The following PCDH10 variants were observed in gnomAD, a reference collection of about 807,000 sequenced individuals.
PCDH10 encodes the protein protocadherin-10.
PCDH10 carries 15 observed loss-of-function variants against 74.4 expected under a neutral mutation model. The observed-to-expected ratio is 0.20, with a 90% CI of 0.13 to 0.31. The LOEUF (loss-of-function observed/expected upper bound fraction) is 0.31. Among genes scored for constraint, PCDH10 ranks in the 10% least tolerant of loss-of-function variants. The pLI, the probability that PCDH10 is intolerant of heterozygous loss-of-function variation, is 1.00. For missense variants in PCDH10, 1,260 were observed against 1,390.2 expected (o/e 0.91, Z 1.49); for synonymous variants, 619 against 589.8 (o/e 1.05, Z -0.72).
Position 133,194,607 on chromosome 4 carries a change from A to G in PCDH10, c.*4447A>G, listed in dbSNP as rs1216605926. On this transcript the variant is annotated 3_prime_UTR_variant, in exon 5 of 5. Coordinates refer to ENST00000264360, the MANE Select transcript of PCDH10 (RefSeq NM_032961.3). Reference sequence around the variant, plus strand: ...TGAAATAAATAAAACTAGGATACATATTATGCCATTTTTCCATGCATGGAT... The same window carrying G: ...TGAAATAAATAAAACTAGGATACATGTTATGCCATTTTTCCATGCATGGAT... 5.9e-5 allele frequency: 9 copies of G among 151,964 alleles called. No homozygotes were observed. The highest frequency in any genetic ancestry group is 5.9e-4 in the Admixed American group (9 of 15,230). The allele number at this position is 151,964 out of a possible 1,614,324, so 9.4% of individuals were successfully genotyped here. A position where few individuals can be genotyped will look rare whatever the true frequency, so the allele number is the denominator to read the frequency against.
downstream of PCDH10, among the ~76,000 whole-genome samples, chr4:133,196,735 C>G (rs185649128): frequency 6.6e-6 from 1 of 152,172 alleles, no homozygotes; most frequent in Non-Finnish European, 1.5e-5. Flanking sequence ...TTGGCCTATG[C>G]CCAGGAGTGA....
Position 133,163,202 on chromosome 4 carries a change from C to T in PCDH10, c.3023C>T (p.Ala1008Val). The T allele has an allele frequency of 6.2e-7, 1 of 1,614,092 alleles. No individual in the cohort carries two copies. The highest frequency in any genetic ancestry group is 8.5e-7 in the Non-Finnish European group (1 of 1,179,996). Reference sequence around the variant, plus strand: ...TTTTCCACCTTTGGCAAAGAGAAGGCCCTTCACAGCACTCTGGAGAGGAAG... The same window carrying T: ...TTTTCCACCTTTGGCAAAGAGAAGGTCCTTCACAGCACTCTGGAGAGGAAG... ...RSFSTFGKEK[A>V]LHSTLERKEL... The change falls in exon 4 of 5, where the codon GCC (alanine) becomes GTC (valine). Residue 1008 changes from alanine to valine, a missense_variant. By Grantham distance (64) the Ala-to-Val change is moderately conservative. Coordinates refer to ENST00000264360, the MANE Select transcript of PCDH10 (RefSeq NM_032961.3).
At position 133,155,070 on chromosome 4, in the gene PCDH10, T is replaced by C. The variant is rs748448344; in HGVS notation, c.2797+47T>C. 3.0e-6 allele frequency: 4 copies of C among 1,322,824 alleles called. No homozygotes were observed. In the East Asian group the frequency reaches 9.2e-5, roughly 30 times the overall value. 81.9% of individuals were successfully genotyped at this position (1,322,824 alleles called of 1,614,324 possible). ...TCTAAATGCTAACTTTTATAGTTTT[T>C]GTTTTTAAAAATAAACGTAGGAAGG... On this transcript the variant is annotated intron_variant, in intron 3 of 4. Coordinates refer to ENST00000264360, the MANE Select transcript of PCDH10 (RefSeq NM_032961.3).
At chr4:133,165,931 G>T (rs1412439057) in intron 4 of PCDH10, among the ~76,000 whole-genome samples, 2 of 151,672 alleles carry the variant, frequency 1.3e-5, no homozygotes, top group Non-Finnish European at 3.0e-5. Flanking sequence ...TGTACTTCAT[G>T]TTCTTAAAAA....
At chr4:133,205,278 C>A (rs1022127056) in intron 2 of PCDH10, among the ~76,000 whole-genome samples, 2 of 152,160 alleles carry the variant, frequency 1.3e-5, no homozygotes, top group Non-Finnish European at 2.9e-5. Context: ...TCTGTGAACA[C>A]TTGAAGAATT....
intron 4 of PCDH10, among the ~76,000 whole-genome samples, chr4:133,175,806 C>T (rs1470950358): frequency 1.4e-4 from 22 of 152,102 alleles, no homozygotes; most frequent in East Asian, 3.9e-4. Flanking sequence ...ATGCAAAACA[C>T]GAAAAAATGC....
chr4:133,207,678 C>T (rs1728036282), intron 2 of PCDH10, among the ~76,000 whole-genome samples: 1 of 151,902 alleles, frequency 6.6e-6, no homozygotes, highest in South Asian at 2.1e-4. Flanking sequence ...CTTTCTAAAA[C>T]TAGCAAGATT....
At chr4:133,181,778 G>A (rs1004635917) in intron 4 of PCDH10, among the ~76,000 whole-genome samples, 1 of 151,934 alleles carries the variant, frequency 6.6e-6, no homozygotes, top group Non-Finnish European at 1.5e-5. Flanking sequence ...AATTATGTTA[G>A]GGAAAATCTG....
chr4:133,187,452 ACT>A (rs1394483780), intron 4 of PCDH10, among the ~76,000 whole-genome samples: 4 of 152,062 alleles, frequency 2.6e-5, no homozygotes, highest in Non-Finnish European at 5.9e-5. Context: ...CTGAGGGATA[ACT>A]CTTCATAAAT....
Position 133,151,051 on chromosome 4 carries a change from C to G in PCDH10, c.911C>G (p.Ser304Trp). ...SPRARELFGL[S>W]PRTGRLEVSG... is the part of the protein sequence containing the mutation. Reference sequence around the variant, plus strand: ...CGGGCGCGGGAGCTTTTCGGACTCTCGCCGCGCACTGGCAGACTGGAGGTA... The same window carrying G: ...CGGGCGCGGGAGCTTTTCGGACTCTGGCCGCGCACTGGCAGACTGGAGGTA... Residue 304 changes from serine (S) to tryptophan (W), a missense_variant, in exon 1 of 5, where the codon TCG becomes TGG. By Grantham distance (177) the Ser-to-Trp change is radical (BLOSUM62 -3). Coordinates refer to ENST00000264360, the MANE Select transcript of PCDH10 (RefSeq NM_032961.3). 6.2e-7 allele frequency: 1 copy of G among 1,613,994 alleles called. No individual in the cohort carries two copies. Among genetic ancestry groups the G allele is most frequent in the Non-Finnish European group, 8.5e-7 (1 of 1,180,032 alleles).
intron 4 of PCDH10, among the ~76,000 whole-genome samples, chr4:133,170,518 A>C (rs2125866265): frequency 6.6e-6 from 1 of 152,262 alleles, no homozygotes; most frequent in Middle Eastern, 3.4e-3. Flanking sequence ...TTAAATTTTT[A>C]ATCAGTTAAA....
At chr4:133,152,883 A>T in intron 1 of PCDH10, 112 bp downstream of exon 1, 1 of 1,499,924 alleles carries the variant, frequency 6.7e-7, no homozygotes. Context: ...ATATTAGCTT[A>T]TGTGTATCGT....
chr4:133,176,984 T>A (rs889028952), intron 4 of PCDH10, among the ~76,000 whole-genome samples: 1 of 151,890 alleles, frequency 6.6e-6, no homozygotes, highest in Non-Finnish European at 1.5e-5. Context: ...CAAAAAAAAA[T>A]TAAAATAATG....
intron 4 of PCDH10, among the ~76,000 whole-genome samples, chr4:133,164,522 T>A (rs17587002): frequency 0.14 from 21,727 of 151,930 alleles, 1,867 homozygotes; most frequent in Middle Eastern, 0.23. Context: ...ATGATTCAGA[T>A]TAATAAAAAT....
In PCDH10 at chr4:133,163,200, G is replaced by A. The variant is rs774253752; in HGVS notation, c.3021G>A (p.Lys1007=). ...ERSFSTFGKE[K]ALHSTLERKE... ...CCTTTTCCACCTTTGGCAAAGAGAA[G>A]GCCCTTCACAGCACTCTGGAGAGGA... The change falls in exon 4 of 5, where the codon AAG becomes AAA. Residue 1007 remains lysine (K), a synonymous_variant. Transcript: ENST00000264360. 3.3e-5 allele frequency: 53 copies of A among 1,614,026 alleles called. No individual in the cohort carries two copies. Among genetic ancestry groups the A allele is most frequent in the East Asian group, 3.1e-4 (14 of 44,872 alleles).
At position 133,158,865 on chromosome 4, in the gene PCDH10, T is replaced by C. The variant is rs138808081; in HGVS notation, c.2797+3842T>C. On this transcript the variant is annotated intron_variant, in intron 3 of 4. Transcript: ENST00000264360. ...TGCAGAGATTTATAACTGGAGGCAA[T>C]ATAGAAGATGAAATATTGAGAGGAA... 4.1e-4 allele frequency among the ~76,000 whole-genome samples: 63 copies of C among 152,198 alleles called. 1 individual carries two copies. The highest frequency in any genetic ancestry group is 1.3e-3 in the African/African-American group (54 of 41,556).
intron 4 of PCDH10, among the ~76,000 whole-genome samples, chr4:133,166,138 G>C (rs989505804): frequency 6.6e-6 from 1 of 151,470 alleles, no homozygotes; most frequent in Admixed American, 6.6e-5. Context: ...GTTGTAGTTT[G>C]CTAAGTTGAT....
At chr4:133,175,873 A>G (rs1394092181) in intron 4 of PCDH10, among the ~76,000 whole-genome samples, 6 of 152,156 alleles carry the variant, frequency 3.9e-5, no homozygotes, top group Non-Finnish European at 8.8e-5. Flanking sequence ...ATGCAAATCA[A>G]CAGTCTTCCT....
intron 4 of PCDH10, among the ~76,000 whole-genome samples, chr4:133,178,880 G>T (rs1727350666): frequency 6.7e-6 from 1 of 149,326 alleles, no homozygotes; most frequent in African/African-American, 2.4e-5. Flanking sequence ...ATCATTATGT[G>T]CCTTATTTTT....
Sources: allele counts gnomAD v4.1 joint callset (sites outside exome capture counted in the v4.1 genomes callset), GRCh38; gene constraint gnomAD v4.1.1; transcripts MANE v1.5; gene names NCBI Gene and HGNC (gene_info 2026-07-23, HGNC 2026-07-21).